CRLF3: variants seen among roughly 807,000 people sequenced by gnomAD.
The protein encoded by CRLF3 is cytokine receptor like factor 3.
A neutral mutation model predicts 55.0 loss-of-function variants in CRLF3; 33 were observed. The observed-to-expected ratio is 0.60, with a 90% CI of 0.46 to 0.80. The LOEUF is 0.80. CRLF3 is among the 30% of genes least tolerant of loss of function. The pLI, the probability that CRLF3 is intolerant of heterozygous loss-of-function variation, is 0.00. For synonymous variants in CRLF3, 238 were observed against 196.8 expected, an observed-to-expected ratio of 1.21 and a Z score of -1.75; for missense variants, 494 against 538.4, an observed-to-expected ratio of 0.92 and a Z score of 0.82.
intron 6 of CRLF3, among the ~76,000 whole-genome samples, chr17:30,791,709 G>C (rs1232604513): frequency 1.4e-5 from 2 of 143,868 alleles, no homozygotes. Flanking sequence ...GTAGAGATGG[G>C]GTTTCACCAT....
At chr17:30,791,880 CTT>C (rs776589492) in intron 6 of CRLF3, among the ~76,000 whole-genome samples, 55 of 146,038 alleles carry the variant, frequency 3.8e-4, no homozygotes, top group Non-Finnish European at 7.4e-4. Flanking sequence ...CAGTTTCGCT[CTT>C]GTTGCCCAGG....
chr17:30,824,379 T>G, intron 1 of CRLF3, 144 bp downstream of exon 1: 1 of 506,134 alleles, frequency 2.0e-6, no homozygotes, highest in Non-Finnish European at 2.6e-6. Flanking sequence ...GTTCCCAGAC[T>G]CCATTAGGTC....
chr17:30,808,832 A>G (rs1904518869), intron 1 of CRLF3, among the ~76,000 whole-genome samples: 1 of 151,928 alleles, frequency 6.6e-6, no homozygotes, highest in Admixed American at 6.6e-5. Flanking sequence ...TGACCTTGTG[A>G]TCTGCCCGCC....
At chr17:30,819,405 CA>C (rs377146196) in intron 1 of CRLF3, among the ~76,000 whole-genome samples, 1 of 152,230 alleles carries the variant, frequency 6.6e-6, no homozygotes, top group Non-Finnish European at 1.5e-5. Context: ...GCATTGTCAT[CA>C]AGGTGGTGCC....
rs375561031 is a variant in CRLF3 at position 30,785,979 on chromosome 17, C to G, written c.1012G>C (p.Glu338Gln). 3.7e-5 allele frequency: 59 copies of G among 1,613,418 alleles called. No homozygotes were observed. The African/African-American group carries it at 7.6e-4, about 21-fold the overall frequency. ...DRRDSIGVCAEKQDGYDSLQR... is the reference protein window; with the variant it reads ...DRRDSIGVCAQKQDGYDSLQR... ...AGAGAGTCATATCCATCCTGTTTTT[C>G]TGCACACACTCCTATGCTATCTCTT... Residue 338 changes from glutamate (E) to glutamine (Q), a missense_variant, in exon 7 of 8, where the codon GAA becomes CAA. Physicochemically the swap from Glu to Gln is conservative, Grantham distance 29. Transcript: ENST00000324238.
rs552678115 is a variant in CRLF3 at position 30,788,051 on chromosome 17, G to A, written c.960-2020C>T. 8.6e-5 allele frequency among the ~76,000 whole-genome samples: 13 copies of A among 151,882 alleles called. No individual in the cohort carries two copies. In the South Asian group the frequency reaches 1.3e-3, roughly 15 times the overall value. On this transcript the variant is annotated intron_variant, in intron 6 of 7. Coordinates refer to ENST00000324238, the MANE Select transcript of CRLF3 (RefSeq NM_015986.4). ...AGGGGAATGAGAAAGAAAATAGGCC[G>A]GGTGCAGTGGCTCACGCCTGTAATC... is the stretch of plus-strand genomic sequence containing the variant.
chr17:30,793,158 T>C (rs1012878412), intron 5 of CRLF3, among the ~76,000 whole-genome samples: 1 of 151,584 alleles, frequency 6.6e-6, no homozygotes, highest in East Asian at 2.0e-4. Flanking sequence ...CTAAATAACA[T>C]TCAAATATAA....
At chr17:30,790,214 A>C (rs1971759742) in intron 6 of CRLF3, among the ~76,000 whole-genome samples, 1 of 152,202 alleles carries the variant, frequency 6.6e-6, no homozygotes, top group African/African-American at 2.4e-5. Context: ...TGAGAACAAA[A>C]GGAACTTGGG....
chr17:30,798,010 A>G (rs1971950171), intron 2 of CRLF3, among the ~76,000 whole-genome samples: 1 of 140,098 alleles, frequency 7.1e-6, no homozygotes, highest in Admixed American at 7.4e-5. Context: ...AAGGCTTGAA[A>G]AGCCAAATGA....
chr17:30,811,846 C>T (rs1168266358), intron 1 of CRLF3, among the ~76,000 whole-genome samples: 1 of 143,226 alleles, frequency 7.0e-6, no homozygotes, highest in Non-Finnish European at 1.5e-5. Flanking sequence ...TGCGGTGGCT[C>T]ACGCCTGTAA....
rs536610685 is a variant in CRLF3, at chr17:30,795,169, GA to G, written c.603+990del. On this transcript the variant is annotated intron_variant, in intron 4 of 7. Coordinates refer to ENST00000324238, the MANE Select transcript of CRLF3 (RefSeq NM_015986.4). ...TAACAACAGCATGTTTATAAAAAAA[GA>G]AAAAAAAATTTCCTTTTAATAAAAT... Among the ~76,000 whole-genome samples the G allele has an allele frequency of 2.3e-3, 348 of 151,562 alleles. 1 individual carries two copies. The highest frequency in any genetic ancestry group is 7.2e-3 in the African/African-American group (298 of 41,358).
intron 1 of CRLF3, among the ~76,000 whole-genome samples, chr17:30,820,447 G>C (rs1368731625): frequency 2.0e-5 from 3 of 152,106 alleles, no homozygotes; most frequent in Non-Finnish European, 4.4e-5. Context: ...CCAGTACTTT[G>C]GGAGGCCGAG....
At position 30,793,772 on chromosome 17, in the gene CRLF3, CA is replaced by C. The variant is rs949024301; in HGVS notation, c.604-101del. 9.8e-6 allele frequency: 7 copies of C among 712,674 alleles called. No homozygotes were observed. In the African/African-American group the frequency reaches 1.2e-4, roughly 13 times the overall value. 44.1% of individuals were successfully genotyped at this position (712,674 alleles called of 1,614,324 possible). A position where few individuals can be genotyped will look rare whatever the true frequency, so the allele number is the denominator to read the frequency against. Reference sequence around the variant, plus strand: ...ACGGAGCCATTTTGGACCAAGCAGACAGGCCCACATGCTGAATATGGGGTAT... The same window carrying C: ...ACGGAGCCATTTTGGACCAAGCAGACGGCCCACATGCTGAATATGGGGTAT... On this transcript the variant is annotated intron_variant, in intron 4 of 7. Transcript: ENST00000324238.
At chr17:30,788,325 CAAA>C (rs780693808) in intron 6 of CRLF3, among the ~76,000 whole-genome samples, 1 of 118,460 alleles carries the variant, frequency 8.4e-6, no homozygotes, top group Admixed American at 9.3e-5. Flanking sequence ...GACTTTGTCT[CAAA>C]AAAAAAAAAA....
chr17:30,789,320 A>G (rs548523359), intron 6 of CRLF3, among the ~76,000 whole-genome samples: 81 of 152,292 alleles, frequency 5.3e-4, no homozygotes, highest in Admixed American at 1.0e-3. Context: ...ATAATTTCCA[A>G]TGTCTTAATA....
chr17:30,816,110 C>T (rs989665451), intron 1 of CRLF3, among the ~76,000 whole-genome samples: 1 of 151,054 alleles, frequency 6.6e-6, no homozygotes, highest in Middle Eastern at 3.4e-3. Context: ...GGTGAAACTC[C>T]GTCTGTACTA....
chr17:30,794,574 G>A (rs1971876456), intron 4 of CRLF3, among the ~76,000 whole-genome samples: 1 of 152,178 alleles, frequency 6.6e-6, no homozygotes, highest in South Asian at 2.1e-4. Context: ...GAAGCGGGTG[G>A]AGCACTTGAG....
intron 6 of CRLF3, among the ~76,000 whole-genome samples, chr17:30,787,964 C>T (rs73269982): frequency 0.13 from 19,288 of 150,898 alleles, 1,291 homozygotes; most frequent in South Asian, 0.25. Flanking sequence ...CATGCCACTG[C>T]ACTTCAACCT....
chr17:30,787,250 C>T (rs1971669376), intron 6 of CRLF3, among the ~76,000 whole-genome samples: 1 of 152,200 alleles, frequency 6.6e-6, no homozygotes, highest in Admixed American at 6.5e-5. Flanking sequence ...GTAACTATTG[C>T]TGCCAGCGCC....
Sources: gnomAD v4.1 joint callset for allele counts (sites outside exome capture counted in the v4.1 genomes callset) on GRCh38, gnomAD v4.1.1 for gene constraint, MANE v1.5 for transcripts, NCBI Gene and HGNC (gene_info 2026-07-23, HGNC 2026-07-21) for gene names.